Variants in MYO10 observed in about 807,000 individuals in gnomAD.
MYO10 encodes unconventional myosin-X.
In MYO10, 133 loss-of-function variants were observed where a neutral mutation model predicts 257.3. The ratio of observed to expected loss-of-function variants is 0.52; its 90% CI spans 0.45 to 0.60. MYO10 has a LOEUF of 0.60. MYO10 is among the 20% of genes least tolerant of loss of function. The pLI is 0.00. For missense variants in MYO10, 2,399 were observed against 2,635.7 expected (o/e 0.91, Z 1.97); for synonymous variants, 1,104 against 1,028.6 (o/e 1.07, Z -1.40).
In MYO10 at chr5:16,900,747, T is replaced by G. The variant is rs72494110; in HGVS notation, c.22-23040A>C. Among the ~76,000 whole-genome samples the G allele has an allele frequency of 1.9e-4, 22 of 118,244 alleles. 1 individual carries two copies. The highest frequency in any genetic ancestry group is 4.2e-4 in the East Asian group (1 of 2,372). 77.6% of individuals were successfully genotyped at this position (118,244 alleles called of 152,430 possible). ...AGTACACACCTCCCTAAATCTTGTT[T>G]TTTTTTTTTTGAGACAGAGTCTTGC... On this transcript the variant is annotated intron_variant, in intron 1 of 40. Transcript: ENST00000513610.
intron 39 of MYO10, among the ~76,000 whole-genome samples, 158 bp from the exon 40 acceptor site, chr5:16,668,626 G>A (rs1253390565): frequency 6.6e-6 from 1 of 152,136 alleles, no homozygotes; most frequent in African/African-American, 2.4e-5. Flanking sequence ...TATGAAAAAT[G>A]GCACCTCTCT....
chr5:16,720,062 C>G (rs1484755626), intron 19 of MYO10, among the ~76,000 whole-genome samples: 2 of 151,384 alleles, frequency 1.3e-5, no homozygotes, highest in Admixed American at 1.3e-4. Context: ...ATAGACTAAG[C>G]ACCCACACAA....
Position 16,749,486 on chromosome 5 carries a change from A to G in MYO10, c.1929+5342T>C, listed in dbSNP as rs537119590. On this transcript the variant is annotated intron_variant, in intron 19 of 40. Coordinates refer to ENST00000513610, the MANE Select transcript of MYO10 (RefSeq NM_012334.3). ...TGGGTGACAGAGAGACTCCACCTCA[A>G]AAAAAAAAAAAAAAAAGATAAACCC... 7.0e-4 allele frequency among the ~76,000 whole-genome samples: 90 copies of G among 128,116 alleles called. 2 individuals carry two copies. In the East Asian group the frequency reaches 0.016, roughly 23 times the overall value. 84.0% of individuals were successfully genotyped at this position (128,116 alleles called of 152,430 possible). A position where few individuals can be genotyped will look rare whatever the true frequency, so the allele number is the denominator to read the frequency against.
At chr5:16,776,781 G>A (rs562565816) in intron 9 of MYO10, among the ~76,000 whole-genome samples, 1 of 152,298 alleles carries the variant, frequency 6.6e-6, no homozygotes, top group South Asian at 2.1e-4. Context: ...CGGAGTATCT[G>A]ATTTCTCAGG....
At chr5:16,697,266 A>C (rs1403947591) in intron 26 of MYO10, among the ~76,000 whole-genome samples, 2 of 152,206 alleles carry the variant, frequency 1.3e-5, no homozygotes, top group Non-Finnish European at 2.9e-5. Flanking sequence ...GGTGAAGCAA[A>C]AAAGGAATCC....
intron 37 of MYO10, 100 bp from the exon 38 acceptor site, chr5:16,671,642 C>T (rs1036074252): frequency 1.8e-5 from 26 of 1,430,688 alleles, no homozygotes; most frequent in Admixed American, 9.6e-5. Flanking sequence ...AGGACACAGA[C>T]ATTCTGTCCG....
chr5:16,803,290 T>C (rs1346219041), intron 3 of MYO10, among the ~76,000 whole-genome samples: 7 of 151,812 alleles, frequency 4.6e-5, no homozygotes, highest in Non-Finnish European at 1.0e-4. Flanking sequence ...TAGCCAGGTA[T>C]GATGGTGCAC....
chr5:16,769,911 G>A (rs1054692650), intron 9 of MYO10, among the ~76,000 whole-genome samples: 1 of 152,022 alleles, frequency 6.6e-6, no homozygotes, highest in African/African-American at 2.4e-5. Flanking sequence ...AGTACTTGGA[G>A]AGGGGGTGTA....
At chr5:16,718,435 G>T (rs879148152) in intron 19 of MYO10, among the ~76,000 whole-genome samples, 1 of 152,272 alleles carries the variant, frequency 6.6e-6, no homozygotes, top group Non-Finnish European at 1.5e-5. Context: ...TGGGGACGTG[G>T]AGAGTATTTA....
chr5:16,904,821 C>T (rs935777540), intron 1 of MYO10, among the ~76,000 whole-genome samples: 1 of 151,944 alleles, frequency 6.6e-6, no homozygotes, highest in South Asian at 2.1e-4. Flanking sequence ...CCCAGCTACT[C>T]GGGAGCCTGA....
intron 36 of MYO10, 51 bp downstream of exon 36, chr5:16,673,631 T>TA: frequency 6.4e-7 from 1 of 1,555,516 alleles, no homozygotes; most frequent in Non-Finnish European, 8.8e-7. Context: ...GACGCAGGTG[T>TA]ATCTGCAGCA....
chr5:16,929,719 T>C (rs1335390659), intron 1 of MYO10, among the ~76,000 whole-genome samples: 2 of 152,200 alleles, frequency 1.3e-5, no homozygotes, highest in Non-Finnish European at 2.9e-5. Flanking sequence ...TATAGGGAAC[T>C]GGTTCCAAGA....
chr5:16,779,977 C>T lies in MYO10; in HGVS notation c.827-329G>A, dbSNP rs149629739. 2.6e-3 allele frequency among the ~76,000 whole-genome samples: 396 copies of T among 152,292 alleles called. 1 individual carries two copies. Among genetic ancestry groups the T allele is most frequent in the African/African-American group, 9.0e-3 (373 of 41,560 alleles). Reference sequence around the variant, plus strand: ...AGTGCAGTGGCACAATCTCAGCTCACCGCAACTTCTGCCTCCCGGGTTCAA... The same window carrying T: ...AGTGCAGTGGCACAATCTCAGCTCATCGCAACTTCTGCCTCCCGGGTTCAA... On this transcript the variant is annotated intron_variant, in intron 8 of 40. Coordinates refer to ENST00000513610, the MANE Select transcript of MYO10 (RefSeq NM_012334.3).
intron 1 of MYO10, among the ~76,000 whole-genome samples, chr5:16,929,912 C>G (rs1401042855): frequency 6.6e-6 from 1 of 152,106 alleles, no homozygotes; most frequent in Non-Finnish European, 1.5e-5. Flanking sequence ...CTTCAAAGAA[C>G]TGTAAGATAC....
chr5:16,890,324 C>T (rs1418583891), intron 1 of MYO10, among the ~76,000 whole-genome samples: 1 of 151,838 alleles, frequency 6.6e-6, no homozygotes, highest in Non-Finnish European at 1.5e-5. Flanking sequence ...AACAGTTTGG[C>T]AGTTCCTCAA....
rs888510183 is a variant in MYO10, at chr5:16,903,457, G to A, written c.22-25750C>T. ...CCCATCTTACAGACATGGGAAACGA[G>A]GCATGGAGCAGATAAAGAACTTGCC... On this transcript the variant is annotated intron_variant, in intron 1 of 40. Coordinates refer to ENST00000513610, the MANE Select transcript of MYO10 (RefSeq NM_012334.3). Among the ~76,000 whole-genome samples the A allele has an allele frequency of 6.6e-5, 10 of 152,130 alleles. 1 individual carries two copies. Among genetic ancestry groups the A allele is most frequent in the Admixed American group, 6.6e-4 (10 of 15,244 alleles).
chr5:16,765,634 G>GT (rs1390382943), intron 11 of MYO10, among the ~76,000 whole-genome samples: 2 of 152,006 alleles, frequency 1.3e-5, no homozygotes, highest in Middle Eastern at 3.2e-3. Flanking sequence ...CATTATTGTC[G>GT]TAAGTAATGT....
rs149507791 is a variant in MYO10, at chr5:16,722,749, T to C, written c.1930-11504A>G. On this transcript the variant is annotated intron_variant, in intron 19 of 40. Coordinates refer to ENST00000513610, the MANE Select transcript of MYO10 (RefSeq NM_012334.3). ...ACTATAAAACTCCTAGATGATAACA[T>C]AGGAAATAATCTAGGTGGCTTTGGG... Among the ~76,000 whole-genome samples, 1,049 of 152,268 alleles carry C rather than the reference T, an allele frequency of 6.9e-3. 4 individuals are homozygous for C. The highest frequency in any genetic ancestry group is 0.012 in the South Asian group (60 of 4,824).
chr5:16,707,951 T>C (rs1738420986), intron 21 of MYO10, among the ~76,000 whole-genome samples: 2 of 152,196 alleles, frequency 1.3e-5, no homozygotes, highest in South Asian at 4.1e-4. Flanking sequence ...CGGCAGACAT[T>C]CCTTTACCAG....
Sources: gnomAD v4.1 joint callset for allele counts (sites outside exome capture counted in the v4.1 genomes callset) on GRCh38, gnomAD v4.1.1 for gene constraint, MANE v1.5 for transcripts, NCBI Gene and HGNC (gene_info 2026-07-23, HGNC 2026-07-21) for gene names.